The following GPC6 variants were observed in gnomAD, a reference collection of about 807,000 sequenced individuals.
GPC6 encodes the protein glypican-6.
Under a neutral mutation model 55.2 loss-of-function variants are expected in GPC6, and 14 were observed. That is an observed-to-expected ratio of 0.25 (90% CI 0.17 to 0.40). The LOEUF is 0.40. Ranked by LOEUF, GPC6 falls within the 10% of genes least tolerant of loss-of-function variation. The pLI, the probability that GPC6 is intolerant of heterozygous loss-of-function variation, is 1.00. For synonymous variants in GPC6, 278 were observed against 259.6 expected, an observed-to-expected ratio of 1.07 and a Z score of -0.68; for missense variants, 641 against 708.5, an observed-to-expected ratio of 0.90 and a Z score of 1.08.
chr13:94,137,315 C>T (rs554224289), intron 4 of GPC6, among the ~76,000 whole-genome samples: 106 of 152,196 alleles, frequency 7.0e-4, no homozygotes, highest in African/African-American at 2.5e-3. Flanking sequence ...TGTGTGGAGA[C>T]AATCTATTAT....
At chr13:93,585,496 G>A (rs1324576973) in intron 2 of GPC6, among the ~76,000 whole-genome samples, 1 of 152,146 alleles carries the variant, frequency 6.6e-6, no homozygotes, top group Non-Finnish European at 1.5e-5. Context: ...ATCACTAAGT[G>A]CTGAGATGTT....
chr13:93,316,831 G>C (rs1401041488), intron 1 of GPC6, among the ~76,000 whole-genome samples: 1 of 152,048 alleles, frequency 6.6e-6, no homozygotes, highest in African/African-American at 2.4e-5. Context: ...TTAAATGTTT[G>C]TTTCATTGCT....
At chr13:94,034,235 A>AGGAAGGAAGGAAGGAAGGAG in intron 4 of GPC6, among the ~76,000 whole-genome samples, 1 of 151,062 alleles carries the variant, frequency 6.6e-6, no homozygotes. Flanking sequence ...GAAGGAAGGA[A>AGGAAGGAAGGAAGGAAGGAG]GGAAGGAAGG....
intron 1 of GPC6, among the ~76,000 whole-genome samples, chr13:93,440,287 G>T (rs893338290): frequency 1.3e-5 from 2 of 152,202 alleles, no homozygotes; most frequent in Non-Finnish European, 2.9e-5. Context: ...AATTACAGGC[G>T]AGAGTTTTGT....
chr13:93,473,842 G>C (rs1363379179), intron 1 of GPC6, among the ~76,000 whole-genome samples: 1 of 152,174 alleles, frequency 6.6e-6, no homozygotes, highest in Non-Finnish European at 1.5e-5. Flanking sequence ...CGAATCCCAA[G>C]CCATGGATTT....
At chr13:93,868,030 G>A (rs753602841) in intron 3 of GPC6, among the ~76,000 whole-genome samples, 14 of 151,738 alleles carry the variant, frequency 9.2e-5, no homozygotes, top group Admixed American at 2.0e-4. Flanking sequence ...AGGTTACTCG[G>A]GAGAATGCCT....
rs543278380 is a variant in GPC6, at chr13:93,321,144, G to A, written c.160+93528G>A. 3.7e-3 allele frequency among the ~76,000 whole-genome samples: 570 copies of A among 152,228 alleles called. 3 individuals are homozygous for A. The highest frequency in any genetic ancestry group is 6.6e-3 in the Non-Finnish European group (449 of 68,020). ...GGTCACTCTGTCTTAAGAAGCTGAA[G>A]TACTGTATTCCATTCTCTCGCTTAC... is the stretch of plus-strand genomic sequence containing the variant. On this transcript the variant is annotated intron_variant, in intron 1 of 8. Transcript: ENST00000377047.
chr13:94,253,884 G>A (rs930589366), intron 4 of GPC6, among the ~76,000 whole-genome samples: 2 of 152,086 alleles, frequency 1.3e-5, no homozygotes, highest in Admixed American at 6.6e-5. Context: ...CAATTAGATT[G>A]ATGTATGTAC....
chr13:94,279,253 G>C (rs1006603991), intron 4 of GPC6, among the ~76,000 whole-genome samples: 7 of 151,844 alleles, frequency 4.6e-5, no homozygotes, highest in Non-Finnish European at 1.0e-4. Context: ...TCTGATGGTA[G>C]TTTGTATTTC....
intron 2 of GPC6, among the ~76,000 whole-genome samples, chr13:93,556,373 A>AGTGTGT (rs56706276): frequency 0.014 from 1,870 of 134,166 alleles, 26 homozygotes; most frequent in South Asian, 0.034. Context: ...GTGGGTAAAT[A>AGTGTGT]GTGTGTGTGT....
intron 2 of GPC6, among the ~76,000 whole-genome samples, chr13:93,587,040 T>TA (rs1158992740): frequency 1.3e-5 from 2 of 152,304 alleles, no homozygotes; most frequent in East Asian, 3.9e-4. Flanking sequence ...CCTGTATCCC[T>TA]AGTAGGAGGT....
chr13:93,761,521 A>T (rs75410714), intron 2 of GPC6, among the ~76,000 whole-genome samples: 2,825 of 152,164 alleles, frequency 0.019, 100 homozygotes, highest in African/African-American at 0.064. Context: ...TAGTTTTAAA[A>T]TTTTTAAATA....
intron 1 of GPC6, among the ~76,000 whole-genome samples, chr13:93,509,554 T>C (rs1039019677): frequency 6.6e-6 from 1 of 152,230 alleles, no homozygotes; most frequent in African/African-American, 2.4e-5. Flanking sequence ...AGTCTTAGAA[T>C]GCCCTTGAAG....
intron 2 of GPC6, among the ~76,000 whole-genome samples, chr13:93,760,826 T>C (rs1884930650): frequency 1.3e-5 from 2 of 152,328 alleles, no homozygotes; most frequent in Admixed American, 6.5e-5. Context: ...TGCTTTTGAA[T>C]TGCAACTGCT....
chr13:93,901,898 TAAA>T (rs55752330), intron 3 of GPC6, among the ~76,000 whole-genome samples: 20 of 119,264 alleles, frequency 1.7e-4, no homozygotes, highest in African/African-American at 3.5e-4. Flanking sequence ...GAGATTCCAT[TAAA>T]AAAAAAAAAA....
intron 1 of GPC6, among the ~76,000 whole-genome samples, chr13:93,511,232 T>A (rs191605212): frequency 9.3e-5 from 14 of 151,308 alleles, no homozygotes; most frequent in African/African-American, 2.9e-4. Context: ...TATTGTCTGA[T>A]CTTTTAAGGT....
chr13:94,145,099 A>C (rs1887513914), intron 4 of GPC6, among the ~76,000 whole-genome samples: 4 of 151,890 alleles, frequency 2.6e-5, no homozygotes, highest in Admixed American at 2.6e-4. Context: ...CACCTAGCAA[A>C]CACTCAACAA....
intron 1 of GPC6, among the ~76,000 whole-genome samples, chr13:93,502,125 GT>G (rs1880544803): frequency 6.6e-6 from 1 of 151,976 alleles, no homozygotes. Context: ...AATATGTTCA[GT>G]TGTGGGAAAT....
At chr13:93,330,384 G>T (rs1204257995) in intron 1 of GPC6, among the ~76,000 whole-genome samples, 1 of 152,140 alleles carries the variant, frequency 6.6e-6, no homozygotes, top group Admixed American at 6.5e-5. Flanking sequence ...AAAGCCATAT[G>T]TGGTAGTGTG....
Sources: gnomAD v4.1 joint callset for allele counts (sites outside exome capture counted in the v4.1 genomes callset) on GRCh38, gnomAD v4.1.1 for gene constraint, MANE v1.5 for transcripts, NCBI Gene and HGNC (gene_info 2026-07-23, HGNC 2026-07-21) for gene names.